DOC2B: variants seen among roughly 807,000 people sequenced by gnomAD.
DOC2B encodes the protein double C2 domain beta, also known as double C2-like domain-containing protein beta.
DOC2B carries 21 observed loss-of-function variants against 28.9 expected under a neutral mutation model. The observed-to-expected ratio is 0.73, with a 90% CI of 0.52 to 1.05. DOC2B has a LOEUF of 1.05. Among genes scored for constraint, DOC2B ranks in the 50% least tolerant of loss-of-function variants. The pLI, the probability that DOC2B is intolerant of heterozygous loss-of-function variation, is 0.00. For synonymous variants in DOC2B, 194 were observed against 178.1 expected (o/e 1.09, Z -0.71); for missense variants, 384 against 421.1 (o/e 0.91, Z 0.77).
intron 1 of DOC2B, among the ~76,000 whole-genome samples, chr17:179,076 C>A (rs1188400642): frequency 6.6e-6 from 1 of 152,254 alleles, no homozygotes; most frequent in Non-Finnish European, 1.5e-5. Flanking sequence ...GCGACAGGGG[C>A]CCAAGCTGGC....
At chr17:165,487 T>TAAA (rs3029494) in intron 2 of DOC2B, among the ~76,000 whole-genome samples, 3 of 119,132 alleles carry the variant, frequency 2.5e-5, no homozygotes, top group African/African-American at 9.4e-5. Flanking sequence ...GTCTCAAGTT[T>TAAA]AAAAAAAAAA....
chr17:176,046 A>G (rs2040366295), intron 1 of DOC2B, among the ~76,000 whole-genome samples: 1 of 152,350 alleles, frequency 6.6e-6, no homozygotes, highest in Middle Eastern at 3.4e-3. Flanking sequence ...TACGGAGCAC[A>G]TGGCCCAAAC....
intron 7 of DOC2B, 45 bp downstream of exon 7, chr17:149,066 G>A (rs2040045259): frequency 7.5e-6 from 3 of 398,690 alleles, no homozygotes; most frequent in Non-Finnish European, 1.3e-5. Context: ...CCACTGCTGT[G>A]GGGCAGAGGA....
At chr17:163,029 G>GGCA (rs1257071131) in intron 3 of DOC2B, among the ~76,000 whole-genome samples, 3 of 152,204 alleles carry the variant, frequency 2.0e-5, no homozygotes, top group Non-Finnish European at 4.4e-5. Flanking sequence ...CCAGCTCTGT[G>GGCA]GCAGCATCAG....
chr17:156,327 G>C lies in DOC2B; in HGVS notation c.816C>G (p.Ile272Met). The C allele has an allele frequency of 1.9e-6, 3 of 1,551,572 alleles. No individual in the cohort carries two copies. The highest frequency in any genetic ancestry group is 3.9e-5 in the Admixed American group (2 of 51,002). Residue 272 changes from isoleucine (I) to methionine (M), a missense_variant, in exon 6 of 9, where the codon ATC becomes ATG. Transcript: ENST00000613549. ...KSLEERGRIL[I>M]SLKYSSQKQG... ...GCTTCTGTGAGCTGTACTTGAGGGA[G>C]ATGAGGATGCGGCCCCGCTCCTCCA...
chr17:160,102 A>G (rs1228026236), intron 5 of DOC2B, among the ~76,000 whole-genome samples: 1 of 150,746 alleles, frequency 6.6e-6, no homozygotes, highest in Non-Finnish European at 1.5e-5. Flanking sequence ...CTCCTGCCTC[A>G]GCCTCCTGAG....
chr17:178,949 CCCCAGAACCTGTT>C (rs2040401034), intron 1 of DOC2B, among the ~76,000 whole-genome samples: 3 of 152,228 alleles, frequency 2.0e-5, no homozygotes, highest in African/African-American at 7.2e-5. Context: ...GGCAGTCCCA[CCCCAGAACCTGTT>C]CCCCCACCAT....
intron 1 of DOC2B, among the ~76,000 whole-genome samples, chr17:176,089 A>T (rs1384107253): frequency 6.6e-6 from 1 of 152,290 alleles, no homozygotes; most frequent in South Asian, 2.1e-4. Context: ...TGAGGCTCAG[A>T]GAGGGGAGGG....
chr17:166,387 C>G (rs964252014), intron 2 of DOC2B, among the ~76,000 whole-genome samples: 3 of 152,252 alleles, frequency 2.0e-5, no homozygotes, highest in African/African-American at 4.8e-5. Context: ...CAGGGAGCTG[C>G]TAGTGGGGCC....
intron 1 of DOC2B, among the ~76,000 whole-genome samples, chr17:180,155 T>C (rs964965791): frequency 6.6e-6 from 1 of 152,240 alleles, no homozygotes; most frequent in Non-Finnish European, 1.5e-5. Context: ...GTGACAAGTC[T>C]GGAGCCACAG....
intron 6 of DOC2B, among the ~76,000 whole-genome samples, chr17:153,666 A>C (rs1555522042): frequency 6.6e-6 from 1 of 151,532 alleles, no homozygotes; most frequent in East Asian, 1.9e-4. Context: ...ACGCCACTGC[A>C]CTCCAGCCTG....
At chr17:172,746 A>T (rs952587130) in intron 1 of DOC2B, 130 bp from the exon 2 acceptor site, 16 of 664,990 alleles carry the variant, frequency 2.4e-5, no homozygotes, top group Non-Finnish European at 4.0e-5. Flanking sequence ...CCAACCAAGC[A>T]CCTGCTCTAT....
intron 1 of DOC2B, among the ~76,000 whole-genome samples, chr17:173,680 C>A (rs1023917019): frequency 6.6e-6 from 1 of 152,126 alleles, no homozygotes; most frequent in African/African-American, 2.4e-5. Context: ...GGAAGGCTTC[C>A]TGGAGGAGGT....
In DOC2B at chr17:147,086, C is replaced by T. The variant is rs1184858858; in HGVS notation, c.*355G>A. 6.2e-5 allele frequency: 13 copies of T among 208,430 alleles called. No individual in the cohort carries two copies. The highest frequency in any genetic ancestry group is 5.6e-4 in the South Asian group (3 of 5,344). 12.9% of individuals were successfully genotyped at this position (208,430 alleles called of 1,614,324 possible). ...ACCTCCCTCCTCTGTTCCCACTGTC[C>T]GCCAAGGCGCCCCCACACTCCTGTC... On this transcript the variant is annotated 3_prime_UTR_variant, in exon 9 of 9. Transcript: ENST00000613549.
At chr17:152,937 G>GC (rs1029677971) in intron 6 of DOC2B, among the ~76,000 whole-genome samples, 3 of 152,138 alleles carry the variant, frequency 2.0e-5, no homozygotes, top group Admixed American at 6.5e-5. Context: ...GCTGAGGGGT[G>GC]CCCCTCTTAC....
At chr17:175,972 G>C (rs891854499) in intron 1 of DOC2B, among the ~76,000 whole-genome samples, 6 of 152,236 alleles carry the variant, frequency 3.9e-5, no homozygotes, top group African/African-American at 1.4e-4. Flanking sequence ...TGGAAGGTCT[G>C]TAAGAAATGA....
Position 148,027 on chromosome 17 carries a change from G to A in DOC2B, c.1102+146C>T. 7.6e-6 allele frequency: 3 copies of A among 395,918 alleles called. No individual in the cohort carries two copies. In the East Asian group the frequency reaches 1.1e-4, roughly 14 times the overall value. The allele number at this position is 395,918 out of a possible 1,614,324, so 24.5% of individuals were successfully genotyped here. A position where few individuals can be genotyped will look rare whatever the true frequency, so the allele number is the denominator to read the frequency against. ...GGGCCTGTCTCTTCCTGGGGCACAA[G>A]GGTCAGGCTGGAGAAGGTCTGAGGC... is the stretch of plus-strand genomic sequence containing the variant. On this transcript the variant is annotated intron_variant, in intron 8 of 8. Coordinates refer to ENST00000613549, the MANE Select transcript of DOC2B (RefSeq NM_003585.5).
intron 1 of DOC2B, among the ~76,000 whole-genome samples, chr17:176,181 C>T (rs2040367636): frequency 2.0e-5 from 3 of 151,630 alleles, no homozygotes. Context: ...TCCCTTAAAG[C>T]CTACTGGCTC....
At chr17:175,898 T>C (rs1173974370) in intron 1 of DOC2B, among the ~76,000 whole-genome samples, 1 of 152,180 alleles carries the variant, frequency 6.6e-6, no homozygotes, top group Non-Finnish European at 1.5e-5. Context: ...CACCACCTCC[T>C]GGGAAGGAAC....
Sources: gnomAD v4.1 joint callset for allele counts (sites outside exome capture counted in the v4.1 genomes callset) on GRCh38, gnomAD v4.1.1 for gene constraint, MANE v1.5 for transcripts, NCBI Gene and HGNC (gene_info 2026-07-23, HGNC 2026-07-21) for gene names.